CTNNA2: variants seen among roughly 807,000 people sequenced by gnomAD.
CTNNA2 encodes catenin alpha 2.
Under a neutral mutation model 101.0 loss-of-function variants are expected in CTNNA2, and 42 were observed. The ratio of observed to expected loss-of-function variants is 0.42; its 90% CI spans 0.32 to 0.54. CTNNA2 has a LOEUF of 0.54. CTNNA2 is among the 20% of genes least tolerant of loss of function. CTNNA2 has a pLI of 0.14. For missense variants in CTNNA2, 871 were observed against 1,223.1 expected, an observed-to-expected ratio of 0.71 and a Z score of 4.29; for synonymous variants, 450 against 456.4, an observed-to-expected ratio of 0.99 and a Z score of 0.18.
intron 7 of CTNNA2, among the ~76,000 whole-genome samples, chr2:80,076,264 T>C (rs75388648): frequency 0.033 from 4,975 of 151,474 alleles, 261 homozygotes; most frequent in African/African-American, 0.11. Context: ...ACAGACTTTT[T>C]GCATCATTTT....
At chr2:79,231,762 G>A (rs1050544603) in intron 2 of CTNNA2, among the ~76,000 whole-genome samples, 1 of 152,178 alleles carries the variant, frequency 6.6e-6, no homozygotes, top group East Asian at 1.9e-4. Flanking sequence ...TCTGCTTGAA[G>A]AGACTTTTTA....
At chr2:80,489,488 C>T (rs1573017919) in intron 9 of CTNNA2, among the ~76,000 whole-genome samples, 1 of 152,136 alleles carries the variant, frequency 6.6e-6, no homozygotes, top group East Asian at 1.9e-4. Flanking sequence ...GTAGATCATC[C>T]TGAACATATT....
intron 7 of CTNNA2, among the ~76,000 whole-genome samples, chr2:80,262,189 TGTATCTGGAGATTCTAC>T (rs1672660581): frequency 6.6e-6 from 1 of 152,176 alleles, no homozygotes; most frequent in Non-Finnish European, 1.5e-5. Flanking sequence ...GATCTCCAGA[TGTATCTGGAGATTCTAC>T]ATCTATATAG....
At chr2:80,596,146 A>G (rs891432049) in intron 15 of CTNNA2, among the ~76,000 whole-genome samples, 1 of 151,896 alleles carries the variant, frequency 6.6e-6, no homozygotes, top group African/African-American at 2.4e-5. Context: ...AAGTTCACTC[A>G]TGATTTGGCT....
intron 4 of CTNNA2, among the ~76,000 whole-genome samples, chr2:79,376,312 G>A (rs915976511): frequency 2.0e-5 from 3 of 152,116 alleles, no homozygotes; most frequent in African/African-American, 7.2e-5. Context: ...CAAACTGCTT[G>A]TGTTCCAACT....
chr2:79,547,903 A>G (rs1420984438), intron 1 of CTNNA2: 1 of 152,244 alleles, frequency 6.6e-6, no homozygotes, highest in Non-Finnish European at 1.5e-5. Context: ...TTATTTACCT[A>G]CTTATGATTT....
At chr2:79,514,128 A>T (rs1671680303) in intron 1 of CTNNA2, among the ~76,000 whole-genome samples, 1 of 152,230 alleles carries the variant, frequency 6.6e-6, no homozygotes, top group South Asian at 2.1e-4. Flanking sequence ...CCACAGCATT[A>T]TTTATGGAAT....
Position 80,303,183 on chromosome 2 carries a change from C to G in CTNNA2, c.1057-90028C>G. ...AAGTCGTTGTGCTCGAGGTGCAGCT[C>G]GGTGAGCTTAAACAAGCCGGCGAAA... On this transcript the variant is annotated intron_variant, in intron 7 of 18. Coordinates refer to ENST00000402739, the MANE Select transcript of CTNNA2 (RefSeq NM_001282597.3). This position sits in a 1 kb window ranked among gnomAD's most constrained non-coding sequence, Gnocchi z 7.7. The G allele has an allele frequency of 6.2e-7, 1 of 1,614,024 alleles. No individual in the cohort carries two copies. The highest frequency in any genetic ancestry group is 8.5e-7 in the Non-Finnish European group (1 of 1,179,980).
Position 79,729,188 on chromosome 2 carries a change from G to A in CTNNA2, c.103-15199G>A, listed in dbSNP as rs188667563. Among the ~76,000 whole-genome samples the A allele has an allele frequency of 2.1e-3, 322 of 152,152 alleles. 2 individuals carry two copies. Among genetic ancestry groups the A allele is most frequent in the African/African-American group, 7.3e-3 (305 of 41,522 alleles). On this transcript the variant is annotated intron_variant, in intron 2 of 18. Coordinates refer to ENST00000402739, the MANE Select transcript of CTNNA2 (RefSeq NM_001282597.3). ...TACAGCGAATAAGTGGCTGGTCTGGGGCTCAAGTTCAATTATTCTGACCTC... is the reference window on the plus strand; with the variant it reads ...TACAGCGAATAAGTGGCTGGTCTGGAGCTCAAGTTCAATTATTCTGACCTC...
intron 3 of CTNNA2, among the ~76,000 whole-genome samples, chr2:79,791,967 G>A (rs981552784): frequency 2.0e-5 from 3 of 152,174 alleles, no homozygotes; most frequent in Non-Finnish European, 2.9e-5. Context: ...TCCTGCATTC[G>A]TAATTGAATT....
intron 3 of CTNNA2, among the ~76,000 whole-genome samples, chr2:79,823,407 A>T (rs1678173109): frequency 6.6e-6 from 1 of 152,134 alleles, no homozygotes; most frequent in Admixed American, 6.5e-5. Flanking sequence ...AGTCCCAGCT[A>T]CTTGGGTGAC....
chr2:79,612,712 T>C (rs895749630), intron 1 of CTNNA2, among the ~76,000 whole-genome samples: 16 of 152,142 alleles, frequency 1.1e-4, no homozygotes, highest in African/African-American at 3.6e-4. Context: ...ACTTGATTTT[T>C]ACAACATAAT....
chr2:79,704,314 A>T (rs7584387), intron 2 of CTNNA2, among the ~76,000 whole-genome samples: 8,150 of 152,198 alleles, frequency 0.054, 765 homozygotes, highest in African/African-American at 0.19. Flanking sequence ...TATTGTTACT[A>T]TAGCAGAGGA....
chr2:80,551,388 G>A (rs925682517), intron 11 of CTNNA2, among the ~76,000 whole-genome samples: 1 of 152,168 alleles, frequency 6.6e-6, no homozygotes, highest in Non-Finnish European at 1.5e-5. Context: ...GACTCAGCCT[G>A]TCCTTTGAAG....
intron 8 of CTNNA2, among the ~76,000 whole-genome samples, chr2:80,402,790 T>C (rs1216487708): frequency 6.8e-6 from 1 of 147,976 alleles, no homozygotes; most frequent in Non-Finnish European, 1.5e-5. Context: ...TTATGTTTAA[T>C]ATAAATTATA....
intron 1 of CTNNA2, among the ~76,000 whole-genome samples, chr2:79,589,735 A>C (rs1029679669): frequency 6.7e-6 from 1 of 150,310 alleles, no homozygotes; most frequent in Non-Finnish European, 1.5e-5. Flanking sequence ...CCGAGACACG[A>C]ATTTACTCCT....
chr2:79,529,401 A>G (rs918729282), intron 1 of CTNNA2, among the ~76,000 whole-genome samples: 6 of 145,684 alleles, frequency 4.1e-5, no homozygotes, highest in Non-Finnish European at 2.9e-5. Context: ...TGAAGAGCTT[A>G]CAGGACATCC....
chr2:79,424,446 G>A (rs1320416777), intron 4 of CTNNA2, among the ~76,000 whole-genome samples: 1 of 152,132 alleles, frequency 6.6e-6, no homozygotes, highest in Non-Finnish European at 1.5e-5. Context: ...TCTTGATCAT[G>A]ATGCATCTTT....
At chr2:80,232,743 C>T (rs577851507) in intron 7 of CTNNA2, among the ~76,000 whole-genome samples, 1 of 151,996 alleles carries the variant, frequency 6.6e-6, no homozygotes, top group Admixed American at 6.6e-5. Flanking sequence ...AGGAATGGCC[C>T]CTACCTTCCT....
Sources: gnomAD v4.1 joint callset for allele counts (sites outside exome capture counted in the v4.1 genomes callset) on GRCh38, gnomAD v4.1.1 for gene constraint, Gnocchi (gnomAD v3.1) non-coding constraint, MANE v1.5 for transcripts, NCBI Gene and HGNC (gene_info 2026-07-23, HGNC 2026-07-21) for gene names.